Variants in TENM3 observed in about 807,000 individuals in gnomAD.
TENM3 encodes teneurin transmembrane protein 3.
Under a neutral mutation model 255.1 loss-of-function variants are expected in TENM3, and 63 were observed. That is an observed-to-expected ratio of 0.25 (90% confidence interval 0.20 to 0.30). The LOEUF (loss-of-function observed/expected upper bound fraction) is 0.30. Ranked by LOEUF, TENM3 falls within the 10% of genes least tolerant of loss-of-function variation. The pLI is 1.00. For missense variants in TENM3, 2,929 were observed against 3,461.1 expected, an observed-to-expected ratio of 0.85 and a Z score of 3.86; for synonymous variants, 1,306 against 1,322.3, an observed-to-expected ratio of 0.99 and a Z score of 0.27.
intron 22 of TENM3, among the ~76,000 whole-genome samples, chr4:182,755,756 C>G (rs558919079): frequency 6.6e-6 from 1 of 151,990 alleles, no homozygotes; most frequent in East Asian, 1.9e-4. Context: ...AGGAGAATGG[C>G]GTGAACCCGG....
the TENM3 span, among the ~76,000 whole-genome samples, chr4:181,454,200 A>G: frequency 2.0e-5 from 3 of 152,064 alleles, no homozygotes; most frequent in African/African-American, 7.2e-5. Flanking sequence ...AGCAAACCAC[A>G]CTGTCTCCTG....
At chr4:182,709,997 A>G (rs1352264186) in intron 12 of TENM3, among the ~76,000 whole-genome samples, 1 of 152,204 alleles carries the variant, frequency 6.6e-6, no homozygotes, top group Non-Finnish European at 1.5e-5. Flanking sequence ...AAATCAATCT[A>G]CAGCTTTGCA....
the TENM3 span, among the ~76,000 whole-genome samples, chr4:181,558,880 A>G: frequency 1.3e-5 from 2 of 152,204 alleles, no homozygotes; most frequent in Non-Finnish European, 2.9e-5. Context: ...ACCATGGCTT[A>G]ATATTTGATC....
chr4:181,974,034 G>T, the TENM3 span, among the ~76,000 whole-genome samples: 1 of 152,200 alleles, frequency 6.6e-6, no homozygotes. Context: ...AAGGAAGCTT[G>T]GTCAGCAAGA....
At chr4:182,569,882 T>G (rs1744189954) in intron 3 of TENM3, among the ~76,000 whole-genome samples, 1 of 151,974 alleles carries the variant, frequency 6.6e-6, no homozygotes, top group Non-Finnish European at 1.5e-5. Context: ...TCGGAAAAGG[T>G]GAGGTTTGAA....
chr4:181,909,942 A>G, the TENM3 span, among the ~76,000 whole-genome samples: 3 of 152,168 alleles, frequency 2.0e-5, no homozygotes, highest in South Asian at 2.1e-4. Context: ...AATTTTTTAC[A>G]TTTATTTTCA....
intron 19 of TENM3, among the ~76,000 whole-genome samples, 153 bp from the exon 20 acceptor site, chr4:182,751,647 A>G (rs1337793574): frequency 1.3e-5 from 2 of 152,238 alleles, no homozygotes; most frequent in Non-Finnish European, 1.5e-5. Flanking sequence ...CTTTTGAGTC[A>G]TTATTAAATA....
At chr4:182,107,696 T>A in the TENM3 span, among the ~76,000 whole-genome samples, 3 of 152,164 alleles carry the variant, frequency 2.0e-5, no homozygotes. Flanking sequence ...CCTTTTATTT[T>A]TTTCCTGTTA....
chr4:181,675,654 T>G, the TENM3 span, among the ~76,000 whole-genome samples: 30 of 152,202 alleles, frequency 2.0e-4, no homozygotes, highest in African/African-American at 7.2e-4. Flanking sequence ...ATCAGGATAG[T>G]TTTTCTCTTG....
chr4:182,260,409 A>G (rs1758704623), intron 1 of TENM3, among the ~76,000 whole-genome samples: 2 of 152,124 alleles, frequency 1.3e-5, no homozygotes, highest in Admixed American at 6.6e-5. Flanking sequence ...CCTTTTTCCT[A>G]CTGTGTTAAC....
chr4:182,156,913 C>T (rs1005174997), intron 1 of TENM3, among the ~76,000 whole-genome samples: 3 of 152,038 alleles, frequency 2.0e-5, no homozygotes, highest in Non-Finnish European at 4.4e-5. Context: ...AGGGAGTTTT[C>T]GTTTCTAGTT....
the TENM3 span, among the ~76,000 whole-genome samples, chr4:182,023,973 C>T: frequency 6.6e-6 from 1 of 152,162 alleles, no homozygotes; most frequent in Non-Finnish European, 1.5e-5. Flanking sequence ...AAATTCCTTA[C>T]TGCCATTTTA....
At chr4:181,868,760 C>T in the TENM3 span, among the ~76,000 whole-genome samples, 10 of 152,188 alleles carry the variant, frequency 6.6e-5, no homozygotes, top group African/African-American at 9.6e-5. Flanking sequence ...GATCAGCAAA[C>T]GGCTTAATAA....
chr4:181,451,330 C>A, the TENM3 span, among the ~76,000 whole-genome samples: 1 of 152,110 alleles, frequency 6.6e-6, no homozygotes, highest in Non-Finnish European at 1.5e-5. Context: ...AGAGAACATA[C>A]TGGTGCAATG....
At chr4:182,360,533 A>G (rs548343130) in intron 3 of TENM3, among the ~76,000 whole-genome samples, 2 of 151,606 alleles carry the variant, frequency 1.3e-5, no homozygotes, top group East Asian at 1.9e-4. Context: ...ATCAGAGACT[A>G]GGATTGCAAC....
the TENM3 span, among the ~76,000 whole-genome samples, chr4:181,579,902 G>A: frequency 2.0e-5 from 3 of 151,814 alleles, no homozygotes; most frequent in African/African-American, 7.3e-5. Flanking sequence ...TTGGGAGACT[G>A]CCACTATGGT....
At chr4:181,546,945 T>C in the TENM3 span, among the ~76,000 whole-genome samples, 25 of 152,250 alleles carry the variant, frequency 1.6e-4, no homozygotes, top group South Asian at 5.0e-3. Context: ...CTACTTCACA[T>C]TTCATTTTTC....
the TENM3 span, among the ~76,000 whole-genome samples, chr4:182,106,991 G>T: frequency 6.6e-6 from 1 of 152,004 alleles, no homozygotes; most frequent in Non-Finnish European, 1.5e-5. Flanking sequence ...GGATTTCCCT[G>T]CTTACCTCCC....
chr4:182,680,257 T>C lies in TENM3; in HGVS notation c.1547T>C (p.Val516Ala). The C allele has an allele frequency of 6.2e-7, 1 of 1,612,478 alleles. No individual in the cohort carries two copies. The highest frequency in any genetic ancestry group is 8.5e-7 in the Non-Finnish European group (1 of 1,178,614). The change falls in exon 9 of 28, where the codon GTG becomes GCG. Residue 516 changes from valine (V) to alanine (A), a missense_variant. Coordinates refer to ENST00000511685, the MANE Select transcript of TENM3 (RefSeq NM_001080477.4). ...SFNTIVIESV[V>A]ECPRNCHGNG... ...TTTCCTTTTTCTTCAGAGTCTGTGG[T>C]GGAATGTCCCCGAAATTGCCATGGA...
Sources: allele counts gnomAD v4.1 joint callset (sites outside exome capture counted in the v4.1 genomes callset), GRCh38; gene constraint gnomAD v4.1.1; transcripts MANE v1.5; gene names NCBI Gene and HGNC (gene_info 2026-07-23, HGNC 2026-07-21).